UBE2J1: variants seen among roughly 807,000 people sequenced by gnomAD.
UBE2J1 encodes ubiquitin conjugating enzyme E2 J1.
UBE2J1 carries 17 observed loss-of-function variants against 42.1 expected under a neutral mutation model. The ratio of observed to expected loss-of-function variants is 0.40; its 90% CI spans 0.28 to 0.61. The LOEUF is 0.61. Ranked by LOEUF, UBE2J1 falls within the 20% of genes least tolerant of loss-of-function variation. The pLI, the probability that UBE2J1 is intolerant of heterozygous loss-of-function variation, is 0.38. For missense variants in UBE2J1, 291 were observed against 389.4 expected (o/e 0.75, Z 2.13); for synonymous variants, 127 against 137.2 (o/e 0.93, Z 0.52).
chr6:89,335,557 T>G (rs1768092727), intron 5 of UBE2J1, 126 bp from the exon 6 acceptor site: 9 of 582,086 alleles, frequency 1.5e-5, no homozygotes, highest in Non-Finnish European at 2.4e-5. Flanking sequence ...CACATCACAT[T>G]TATCCACATG....
chr6:89,330,789 C>T (rs1361001142), intron 7 of UBE2J1, among the ~76,000 whole-genome samples: 2 of 152,064 alleles, frequency 1.3e-5, no homozygotes, highest in East Asian at 3.9e-4. Context: ...GAGTGAGACT[C>T]TCCCTTAAAA....
rs1475862805 is a variant in UBE2J1, at chr6:89,334,001, T to TG, written c.559-797_559-796insC. On this transcript the variant is annotated intron_variant, in intron 6 of 7. Coordinates refer to ENST00000435041, the MANE Select transcript of UBE2J1 (RefSeq NM_016021.3). The stretch of plus-strand genomic sequence containing the variant: ...CTTTACGTCTGTATGTATGTATGTA[T>TG]TTATTTATTTATATTTTTTTGAGAT... Among the ~76,000 whole-genome samples, 570 of 152,306 alleles carry TG rather than the reference T, an allele frequency of 3.7e-3. 1 individual carries two copies. Among genetic ancestry groups the TG allele is most frequent in the African/African-American group, 0.013 (543 of 41,564 alleles).
At chr6:89,332,710 T>A (rs577309913) in intron 7 of UBE2J1, among the ~76,000 whole-genome samples, 2 of 152,238 alleles carry the variant, frequency 1.3e-5, no homozygotes, top group African/African-American at 4.8e-5. Flanking sequence ...TCTACGACTT[T>A]ATTAAGTCAG....
chr6:89,339,438 GA>G (rs1187287575), intron 3 of UBE2J1, among the ~76,000 whole-genome samples: 1 of 50,050 alleles, frequency 2.0e-5, no homozygotes, highest in Non-Finnish European at 3.7e-5. Flanking sequence ...CCCAAGAAAA[GA>G]AAAAAAAAGA....
Position 89,333,041 on chromosome 6 carries a change from A to T in UBE2J1, c.678+45T>A, listed in dbSNP as rs780682197. ...TCTTCTCCTCCTATTGCAAACAGTGATAATGATAGAGACATACATATATAT... is the reference window on the plus strand; with the variant it reads ...TCTTCTCCTCCTATTGCAAACAGTGTTAATGATAGAGACATACATATATAT... On this transcript the variant is annotated intron_variant, in intron 7 of 7. Transcript: ENST00000435041. The T allele has an allele frequency of 3.4e-6, 5 of 1,488,984 alleles. No homozygotes were observed. In the East Asian group the frequency reaches 1.2e-4, roughly 37 times the overall value. 92.2% of individuals were successfully genotyped at this position (1,488,984 alleles called of 1,614,324 possible).
At chr6:89,335,274 T>A in intron 6 of UBE2J1, 28 bp downstream of exon 6, 1 of 1,538,130 alleles carries the variant, frequency 6.5e-7, no homozygotes, top group South Asian at 1.3e-5. Context: ...GGTTGCAAGA[T>A]TAGCATTTAT....
In UBE2J1 at chr6:89,328,458, C is replaced by G. The variant is rs1200641516; in HGVS notation, c.*1221G>C. 2 of 152,144 alleles carry G rather than the reference C, an allele frequency of 1.3e-5. No individual in the cohort carries two copies. The highest frequency in any genetic ancestry group is 4.8e-5 in the African/African-American group (2 of 41,430). The allele number at this position is 152,144 out of a possible 1,614,324, so 9.4% of individuals were successfully genotyped here. On this transcript the variant is annotated 3_prime_UTR_variant, in exon 8 of 8. Coordinates refer to ENST00000435041, the MANE Select transcript of UBE2J1 (RefSeq NM_016021.3). The stretch of plus-strand genomic sequence containing the variant: ...ACAAATAACACTTTTGGAGCATAAC[C>G]TATTTGAAAGCTTGGAACCACCTGT...
chr6:89,335,370 T>C lies in UBE2J1; in HGVS notation c.490A>G (p.Lys164Glu). The change falls in exon 6 of 8, where the codon AAA becomes GAA. Residue 164 changes from lysine to glutamate, a missense_variant. Lys to Glu is a moderately conservative substitution (Grantham distance 56, BLOSUM62 1). This residue lies in a region of UBE2J1 where 176 missense variants were observed against 196.3 expected (regional missense o/e 0.90). Coordinates refer to ENST00000435041, the MANE Select transcript of UBE2J1 (RefSeq NM_016021.3). ...GCTTGGCTTGAATCGCTTCCAGATTTTAAAGGCAACAGGACATCCTTCATG... is the reference window on the plus strand; with the variant it reads ...GCTTGGCTTGAATCGCTTCCAGATTCTAAAGGCAACAGGACATCCTTCATG... Reference protein sequence around the residue: ...SAMKDVLLPLKSGSDSSQADQ... With the variant: ...SAMKDVLLPLESGSDSSQADQ... 2 of 1,609,346 alleles carry C rather than the reference T, an allele frequency of 1.2e-6. No homozygotes were observed. The highest frequency in any genetic ancestry group is 1.7e-6 in the Non-Finnish European group (2 of 1,176,902).
intron 1 of UBE2J1, among the ~76,000 whole-genome samples, chr6:89,351,726 G>A (rs1768484929): frequency 6.6e-6 from 1 of 152,106 alleles, no homozygotes; most frequent in South Asian, 2.1e-4. Flanking sequence ...AATGTATCAA[G>A]GTACAGATAG....
At chr6:89,329,994 A>G in intron 7 of UBE2J1, 37 bp from the exon 8 acceptor site, 2 of 1,598,766 alleles carry the variant, frequency 1.3e-6, no homozygotes, top group Non-Finnish European at 1.7e-6. Context: ...GAAACTGGCA[A>G]AGAAGATTTG....
intron 1 of UBE2J1, among the ~76,000 whole-genome samples, chr6:89,347,422 C>T (rs911240166): frequency 6.6e-6 from 1 of 152,194 alleles, no homozygotes; most frequent in South Asian, 2.1e-4. Context: ...ATACCCTTAT[C>T]GCATTTTCTC....
intron 2 of UBE2J1, among the ~76,000 whole-genome samples, chr6:89,343,074 A>G (rs1036389618): frequency 7.2e-5 from 11 of 152,196 alleles, no homozygotes; most frequent in African/African-American, 2.2e-4. Context: ...GTAGCTACGG[A>G]GACCCATCAA....
rs1767946332 is a variant in UBE2J1 at position 89,328,523 on chromosome 6, T to G, written c.*1156A>C. On this transcript the variant is annotated 3_prime_UTR_variant, in exon 8 of 8. Transcript: ENST00000435041. ...TCTTCATTAACAACACCCTCAAGAG[T>G]GCCCTCAGTGCTGCGAACTGAACAT... The G allele has an allele frequency of 6.6e-6, 1 of 152,176 alleles. No individual in the cohort carries two copies. The highest frequency in any genetic ancestry group is 2.1e-4 in the South Asian group (1 of 4,832). 9.4% of individuals were successfully genotyped at this position (152,176 alleles called of 1,614,324 possible). A position where few individuals can be genotyped will look rare whatever the true frequency, so the allele number is the denominator to read the frequency against.
In UBE2J1 at chr6:89,342,383, C is replaced by T. The variant is rs764665521; in HGVS notation, c.178G>A (p.Gly60Arg). 6.2e-6 allele frequency: 10 copies of T among 1,613,566 alleles called. No individual in the cohort carries two copies. Among genetic ancestry groups the T allele is most frequent in the East Asian group, 4.5e-5 (2 of 44,820 alleles). ...DSDFDGGVYH[G>R]RIVLPPEYPM... ...TACTCTGGTGGCAGTACTATCCGCC[C>T]GTGATAAACTCCTCCATCAAAATCG... Residue 60 changes from glycine (G) to arginine (R), a missense_variant, in exon 3 of 8, where the codon GGG becomes AGG. Around this residue, in one of 2 missense-constraint regions of UBE2J1, gnomAD observed 115 missense variants for 193.1 expected, o/e 0.60. Transcript: ENST00000435041.
At chr6:89,342,560 T>C (rs1768267774) in intron 2 of UBE2J1, 105 bp from the exon 3 acceptor site, 2 of 1,065,780 alleles carry the variant, frequency 1.9e-6, no homozygotes, top group Non-Finnish European at 2.6e-6. Context: ...AAATGCTTTA[T>C]ATTATTGCTA....
At position 89,333,251 on chromosome 6, in the gene UBE2J1, C is replaced by A. The variant is rs763764093; in HGVS notation, c.559-46G>T. 4 of 1,569,170 alleles carry A rather than the reference C, an allele frequency of 2.5e-6. No homozygotes were observed. In the African/African-American group the frequency reaches 4.1e-5, roughly 16 times the overall value. On this transcript the variant is annotated intron_variant, in intron 6 of 7. Coordinates refer to ENST00000435041, the MANE Select transcript of UBE2J1 (RefSeq NM_016021.3). ...AGAGCAGTGTGACAACAGGAAACAA[C>A]AGGAAACATACACAATCTACAACCT...
chr6:89,340,936 C>T (rs964584815), intron 3 of UBE2J1, among the ~76,000 whole-genome samples: 223 of 151,502 alleles, frequency 1.5e-3, no homozygotes, highest in Non-Finnish European at 8.1e-4. Flanking sequence ...CCACCGCGCC[C>T]GGCTAATTTT....
intron 7 of UBE2J1, among the ~76,000 whole-genome samples, chr6:89,330,308 T>A (rs1767987092): frequency 6.6e-6 from 1 of 152,110 alleles, no homozygotes; most frequent in Non-Finnish European, 1.5e-5. Flanking sequence ...GCCTTTTGTC[T>A]CTATTTTTTT....
chr6:89,351,455 C>CA (rs1009421500), intron 1 of UBE2J1, among the ~76,000 whole-genome samples: 9 of 152,168 alleles, frequency 5.9e-5, no homozygotes, highest in African/African-American at 1.9e-4. Flanking sequence ...CTTAGCCTGA[C>CA]AGCACTCAGG....
Sources: gnomAD v4.1 joint callset for allele counts (sites outside exome capture counted in the v4.1 genomes callset) on GRCh38, gnomAD v4.1.1 for gene constraint, gnomAD v4.1.1 regional missense constraint, MANE v1.5 for transcripts, NCBI Gene and HGNC (gene_info 2026-07-23, HGNC 2026-07-21) for gene names.